Variants in CABLES1 observed in about 807,000 individuals in gnomAD.
The protein encoded by CABLES1 is Cdk5 and Abl enzyme substrate 1, also known as CDK5 and ABL1 enzyme substrate 1.
Under a neutral mutation model 57.8 loss-of-function variants are expected in CABLES1, and 36 were observed. The observed-to-expected ratio is 0.62, with a 90% CI of 0.48 to 0.82. The LOEUF (loss-of-function observed/expected upper bound fraction) is 0.82. CABLES1 is among the 40% of genes least tolerant of loss of function. The probability of loss-of-function intolerance (pLI) is 0.00; values close to 1 mark genes in which losing one functional copy is unlikely to be tolerated. For missense variants in CABLES1, 767 were observed against 836.6 expected (o/e 0.92, Z 1.03); for synonymous variants, 374 against 363.0 (o/e 1.03, Z -0.35).
At chr18:23,197,836 T>G (rs1458712248) in intron 3 of CABLES1, 4 of 152,120 alleles carry the variant, frequency 2.6e-5, no homozygotes, top group Admixed American at 2.6e-4. Context: ...CGCAGAAAGT[T>G]TAGACTAAGA....
chr18:23,165,263 AT>A (rs1474181563), intron 1 of CABLES1, among the ~76,000 whole-genome samples: 2 of 152,038 alleles, frequency 1.3e-5, no homozygotes, highest in Admixed American at 6.5e-5. Context: ...TTTAATTTTA[AT>A]TTTTTATTTT....
At chr18:23,213,104 G>A (rs1052963290) in intron 3 of CABLES1, among the ~76,000 whole-genome samples, 6 of 152,192 alleles carry the variant, frequency 3.9e-5, no homozygotes, top group African/African-American at 1.4e-4. Flanking sequence ...TAATTTCATA[G>A]TGTTACAACA....
chr18:23,243,468 G>GT (rs551293348), intron 7 of CABLES1, among the ~76,000 whole-genome samples: 13,527 of 101,532 alleles, frequency 0.13, 926 homozygotes, highest in Admixed American at 0.28. Flanking sequence ...TGGGTTTGGT[G>GT]TTTTTTTTTT....
At chr18:23,253,116 CCACA>C (rs1283473919) in intron 8 of CABLES1, 50 bp downstream of exon 8, 2 of 1,001,392 alleles carry the variant, frequency 2.0e-6, no homozygotes, top group African/African-American at 3.2e-5. Flanking sequence ...ACCCCTCTTT[CCACA>C]CACCGTAAGC....
chr18:23,237,040 C>T (rs1208701232), intron 6 of CABLES1, 102 bp from the exon 7 acceptor site: 2 of 768,538 alleles, frequency 2.6e-6, no homozygotes, highest in Admixed American at 3.7e-5. Context: ...CTAAAGCCAG[C>T]CTTTCTTCAT....
At chr18:23,211,474 C>T (rs2047404238) in intron 3 of CABLES1, among the ~76,000 whole-genome samples, 1 of 152,200 alleles carries the variant, frequency 6.6e-6, no homozygotes, top group Non-Finnish European at 1.5e-5. Context: ...TCCAGCAGCT[C>T]CAAGGTCAGG....
chr18:23,158,374 C>T (rs754450612), intron 1 of CABLES1, among the ~76,000 whole-genome samples: 15 of 152,142 alleles, frequency 9.9e-5, no homozygotes, highest in Non-Finnish European at 1.6e-4. Flanking sequence ...TGCTTGAATC[C>T]ATGCCCGGCA....
intron 3 of CABLES1, among the ~76,000 whole-genome samples, chr18:23,207,342 A>T (rs941021211): frequency 1.3e-5 from 2 of 152,132 alleles, no homozygotes; most frequent in African/African-American, 4.8e-5. Context: ...AACATTTATT[A>T]TTCACTCAGT....
intron 9 of CABLES1, among the ~76,000 whole-genome samples, chr18:23,256,189 T>C (rs2048160356): frequency 6.6e-6 from 1 of 152,232 alleles, no homozygotes. Flanking sequence ...AAAAGCTGGG[T>C]TGACGCCAAG....
intron 1 of CABLES1, among the ~76,000 whole-genome samples, chr18:23,184,602 C>T (rs769606259): frequency 6.6e-6 from 1 of 152,022 alleles, no homozygotes; most frequent in Admixed American, 6.5e-5. Context: ...ACTCGAGAGG[C>T]TGAGGCACAA....
At chr18:23,144,537 C>A (rs1371024455) in intron 1 of CABLES1, among the ~76,000 whole-genome samples, 1 of 152,204 alleles carries the variant, frequency 6.6e-6, no homozygotes. Context: ...GTTCTGAGTA[C>A]CTCTTGTGTG....
At chr18:23,240,790 C>G (rs576283646) in intron 7 of CABLES1, among the ~76,000 whole-genome samples, 9 of 152,292 alleles carry the variant, frequency 5.9e-5, no homozygotes, top group Non-Finnish European at 1.3e-4. Flanking sequence ...CTGTCCTCCC[C>G]TGTTTTGGGA....
At chr18:23,182,841 A>C (rs901066494) in intron 1 of CABLES1, among the ~76,000 whole-genome samples, 2 of 152,154 alleles carry the variant, frequency 1.3e-5, no homozygotes, top group Admixed American at 1.3e-4. Context: ...CCACGATGAC[A>C]CTGCTGCACC....
chr18:23,154,905 G>A (rs1049968752), intron 1 of CABLES1, among the ~76,000 whole-genome samples: 4 of 152,326 alleles, frequency 2.6e-5, no homozygotes, highest in South Asian at 2.1e-4. Context: ...AAGAACATAC[G>A]CTGATATTCA....
chr18:23,182,251 C>T (rs1016314724), intron 1 of CABLES1, among the ~76,000 whole-genome samples: 11 of 152,252 alleles, frequency 7.2e-5, no homozygotes, highest in Middle Eastern at 3.4e-3. Flanking sequence ...TGGTCTTTTG[C>T]GGGCCTCAGT....
intron 1 of CABLES1, among the ~76,000 whole-genome samples, chr18:23,170,521 A>G (rs1181667449): frequency 1.3e-5 from 2 of 152,156 alleles, no homozygotes; most frequent in African/African-American, 4.8e-5. Context: ...CGTTGGGTCC[A>G]TTTATGCCCC....
intron 5 of CABLES1, 66 bp from the exon 6 acceptor site, chr18:23,235,829 G>T: frequency 6.7e-7 from 1 of 1,494,400 alleles, no homozygotes; most frequent in South Asian, 1.2e-5. Context: ...ACTGTAGCTT[G>T]ATCAGAATGC....
intron 3 of CABLES1, among the ~76,000 whole-genome samples, chr18:23,207,874 C>CA (rs1278357706): frequency 6.6e-6 from 1 of 152,142 alleles, no homozygotes; most frequent in Non-Finnish European, 1.5e-5. Context: ...CAGTCATAGT[C>CA]ATGAAGAGAA....
At chr18:23,180,759 T>C (rs2047159466) in intron 1 of CABLES1, among the ~76,000 whole-genome samples, 4 of 152,198 alleles carry the variant, frequency 2.6e-5, no homozygotes, top group African/African-American at 9.7e-5. Flanking sequence ...AGTTACAAAC[T>C]ACAGATTTGT....
Sources: allele counts gnomAD v4.1 joint callset (sites outside exome capture counted in the v4.1 genomes callset), GRCh38; gene constraint gnomAD v4.1.1; transcripts MANE v1.5; gene names NCBI Gene and HGNC (gene_info 2026-07-23, HGNC 2026-07-21).